Variants in RNF130 observed in about 807,000 individuals in gnomAD.
RNF130 encodes the protein E3 ubiquitin-protein ligase RNF130.
In RNF130, 21 loss-of-function variants were observed where a neutral mutation model predicts 44.6. The observed-to-expected ratio is 0.47, with a 90% CI of 0.33 to 0.68. The LOEUF (loss-of-function observed/expected upper bound fraction) is 0.68. Ranked by LOEUF, RNF130 falls within the 30% of genes least tolerant of loss-of-function variation. The pLI is 0.02. For synonymous variants in RNF130, 214 were observed against 210.4 expected (o/e 1.02, Z -0.15); for missense variants, 479 against 560.6 (o/e 0.85, Z 1.47).
chr5:179,928,490 C>T (rs1296965378), intron 7 of RNF130, among the ~76,000 whole-genome samples: 1 of 152,124 alleles, frequency 6.6e-6, no homozygotes, highest in Non-Finnish European at 1.5e-5. Flanking sequence ...ATCTGGTTCG[C>T]TCTGAAATGT....
At chr5:180,040,305 G>T (rs556433773) in intron 2 of RNF130, 148 bp downstream of exon 2, 2 of 698,198 alleles carry the variant, frequency 2.9e-6, no homozygotes, top group African/African-American at 1.8e-5. Flanking sequence ...TCAACTATGG[G>T]GAAAAAACAT....
intron 3 of RNF130, among the ~76,000 whole-genome samples, chr5:180,003,071 C>G (rs1424465887): frequency 1.3e-5 from 2 of 152,048 alleles, no homozygotes; most frequent in African/African-American, 4.8e-5. Flanking sequence ...CTTGCCTCCA[C>G]AGGATGTCCA....
intron 5 of RNF130, among the ~76,000 whole-genome samples, chr5:179,975,179 A>G (rs1343719133): frequency 6.6e-6 from 1 of 152,210 alleles, no homozygotes; most frequent in Non-Finnish European, 1.5e-5. Flanking sequence ...GGCTTCAAAG[A>G]CAATAGGGGC....
chr5:179,912,253 C>G (rs1481891494), exon 8 of RNF130: 2 of 152,340 alleles, frequency 1.3e-5, no homozygotes, highest in Non-Finnish European at 1.5e-5. Context: ...GGGTCCAAAA[C>G]AACTGTGACA....
chr5:180,024,967 A>C (rs1001625374), intron 2 of RNF130, among the ~76,000 whole-genome samples: 1 of 152,224 alleles, frequency 6.6e-6, no homozygotes. Context: ...TGCCACCAGC[A>C]CTTAGCAGGT....
chr5:180,027,586 G>A (rs911721957), intron 2 of RNF130, among the ~76,000 whole-genome samples: 3 of 152,074 alleles, frequency 2.0e-5, no homozygotes, highest in African/African-American at 7.2e-5. Flanking sequence ...AGTGCAGCTC[G>A]CTGGACTGAA....
Position 180,071,643 on chromosome 5 carries a change from GC to G in RNF130, c.59del (p.Cys20SerfsTer22). On this transcript the variant is annotated frameshift_variant, in exon 1 of 9. Transcript: ENST00000521389. LOFTEE classifies it high-confidence loss of function. ...ARLAALALLT[C>X]SLWPARADNA... ...TGTCTGCCCGTGCCGGCCACAGGCT[GC>G]AGGTCAGCAGGGCGAGCGCGGCGAG... 6.7e-7 allele frequency: 1 copy of G among 1,484,928 alleles called. No individual in the cohort carries two copies. The highest frequency in any genetic ancestry group is 9.0e-7 in the Non-Finnish European group (1 of 1,116,502). 92.0% of individuals were successfully genotyped at this position (1,484,928 alleles called of 1,614,324 possible).
intron 1 of RNF130, among the ~76,000 whole-genome samples, chr5:180,051,798 G>A (rs1284943878): frequency 6.6e-6 from 1 of 152,162 alleles, no homozygotes; most frequent in African/African-American, 2.4e-5. Flanking sequence ...TTAAGAGTAA[G>A]TTTAAATGAC....
intron 7 of RNF130, among the ~76,000 whole-genome samples, chr5:179,941,513 G>C (rs933040839): frequency 6.6e-6 from 1 of 152,002 alleles, no homozygotes; most frequent in East Asian, 1.9e-4. Context: ...CATGAATTCC[G>C]AGTTTCATCT....
At chr5:180,010,164 G>A (rs113149932) in intron 3 of RNF130, among the ~76,000 whole-genome samples, 1 of 148,184 alleles carries the variant, frequency 6.7e-6, no homozygotes, top group African/African-American at 2.5e-5. Context: ...GGAGAATGGC[G>A]TGAACCTGGG....
At chr5:179,950,227 C>T (rs1762105799), downstream of RNF130, among the ~76,000 whole-genome samples, 1 of 152,080 alleles carries the variant, frequency 6.6e-6, no homozygotes, top group Non-Finnish European at 1.5e-5. Context: ...ATAGACTCTC[C>T]TGCCTCAGCC....
At chr5:179,961,425 T>C (rs1457900066) in intron 8 of RNF130, among the ~76,000 whole-genome samples, 1 of 152,178 alleles carries the variant, frequency 6.6e-6, no homozygotes, top group Non-Finnish European at 1.5e-5. Flanking sequence ...ATGACTTAGA[T>C]TCTGAGTCAT....
chr5:180,007,662 G>A (rs1346972326), intron 3 of RNF130, among the ~76,000 whole-genome samples: 1 of 152,200 alleles, frequency 6.6e-6, no homozygotes, highest in African/African-American at 2.4e-5. Flanking sequence ...AGTAGCATCT[G>A]GAGAGACGCT....
chr5:179,928,631 G>T (rs1251418870), intron 7 of RNF130, among the ~76,000 whole-genome samples: 17 of 133,902 alleles, frequency 1.3e-4, no homozygotes, highest in East Asian at 2.3e-4. Flanking sequence ...AATTGTTGTT[G>T]TTTTTTTTTT....
intron 7 of RNF130, among the ~76,000 whole-genome samples, chr5:179,924,485 ACT>A (rs1444160599): frequency 1.5e-5 from 2 of 135,604 alleles, no homozygotes; most frequent in African/African-American, 3.1e-5. Context: ...ACAGAGCAAA[ACT>A]CTGTCTGAAA....
chr5:179,963,866 T>G (rs1672735491), intron 7 of RNF130: 3 of 336,538 alleles, frequency 8.9e-6, no homozygotes, highest in African/African-American at 6.3e-5. Context: ...TATATAAAAT[T>G]GCACAAGGAC....
chr5:179,996,747 C>A (rs1763208318), intron 3 of RNF130, among the ~76,000 whole-genome samples: 1 of 152,184 alleles, frequency 6.6e-6, no homozygotes, highest in Admixed American at 6.5e-5. Context: ...AATTTATGTT[C>A]ATCAAGGATA....
intron 4 of RNF130, among the ~76,000 whole-genome samples, chr5:179,978,622 T>C (rs768323644): frequency 6.6e-6 from 1 of 152,196 alleles, no homozygotes; most frequent in Non-Finnish European, 1.5e-5. Flanking sequence ...TACTTATTGG[T>C]CTGAAGAGGT....
At chr5:180,018,713 C>T (rs980148264) in intron 2 of RNF130, among the ~76,000 whole-genome samples, 3 of 152,338 alleles carry the variant, frequency 2.0e-5, no homozygotes, top group East Asian at 1.9e-4. Flanking sequence ...TCTCTCTTCG[C>T]CCCCTGCCCA....
Sources: allele counts gnomAD v4.1 joint callset (sites outside exome capture counted in the v4.1 genomes callset), GRCh38; gene constraint gnomAD v4.1.1; transcripts MANE v1.5; gene names NCBI Gene and HGNC (gene_info 2026-07-23, HGNC 2026-07-21).